Variants in KCNH8 observed in about 807,000 individuals in gnomAD.
KCNH8 encodes the protein potassium voltage-gated channel subfamily H member 8.
Under a neutral mutation model 103.6 loss-of-function variants are expected in KCNH8, and 70 were observed. The ratio of observed to expected loss-of-function variants is 0.68; its 90% CI spans 0.56 to 0.82. KCNH8 has a LOEUF of 0.82. Among genes scored for constraint, KCNH8 ranks in the 40% least tolerant of loss-of-function variants. KCNH8 has a pLI of 0.00. For missense variants in KCNH8, 1,217 were observed against 1,329.9 expected (o/e 0.92, Z 1.32); for synonymous variants, 498 against 489.4 (o/e 1.02, Z -0.23).
chr3:19,454,815 G>A (rs1168166278), intron 10 of KCNH8, among the ~76,000 whole-genome samples: 1 of 152,050 alleles, frequency 6.6e-6, no homozygotes, highest in Non-Finnish European at 1.5e-5. Context: ...CATCAAAAGT[G>A]CAAATTGCTG....
intron 5 of KCNH8, among the ~76,000 whole-genome samples, chr3:19,374,809 A>G (rs1344155050): frequency 6.6e-6 from 1 of 152,002 alleles, no homozygotes; most frequent in Admixed American, 6.5e-5. Flanking sequence ...GGTGGTGACA[A>G]AATCTCTGAG....
chr3:19,227,091 A>G (rs2063940938), intron 1 of KCNH8, among the ~76,000 whole-genome samples: 1 of 152,190 alleles, frequency 6.6e-6, no homozygotes, highest in Non-Finnish European at 1.5e-5. Context: ...TCAGGCATAA[A>G]TATGGGAAAT....
chr3:19,381,445 C>T (rs2066286874), intron 5 of KCNH8, among the ~76,000 whole-genome samples: 1 of 152,102 alleles, frequency 6.6e-6, no homozygotes, highest in Non-Finnish European at 1.5e-5. Context: ...TAGAAGACAT[C>T]ACAGTGGAGT....
In KCNH8 at chr3:19,535,253, A is replaced by G. The variant is rs1273306834; in HGVS notation, c.*1154A>G. ...CAAATGGAGCCAAGACTTCTGAGCT[A>G]TAACTTGTGGGAGTAATACCAGCTT... On this transcript the variant is annotated 3_prime_UTR_variant, in exon 16 of 16. Transcript: ENST00000328405. 2 of 152,226 alleles carry G rather than the reference A, an allele frequency of 1.3e-5. No individual in the cohort carries two copies. Among genetic ancestry groups the G allele is most frequent in the East Asian group, 1.9e-4 (1 of 5,204 alleles). The allele number at this position is 152,226 out of a possible 1,614,324, so 9.4% of individuals were successfully genotyped here. A position where few individuals can be genotyped will look rare whatever the true frequency, so the allele number is the denominator to read the frequency against.
chr3:19,149,432 G>A (rs2063107028), intron 1 of KCNH8, among the ~76,000 whole-genome samples: 1 of 151,406 alleles, frequency 6.6e-6, no homozygotes, highest in Admixed American at 6.6e-5. Context: ...ACGATTTGAT[G>A]ATAAGAGAAA....
chr3:19,368,674 A>G (rs994696288), intron 5 of KCNH8, among the ~76,000 whole-genome samples: 3 of 152,032 alleles, frequency 2.0e-5, no homozygotes, highest in Non-Finnish European at 2.9e-5. Context: ...AACGTGCTAG[A>G]TACCTAGTAT....
At chr3:19,418,614 T>TG (rs1368035807) in intron 7 of KCNH8, among the ~76,000 whole-genome samples, 1 of 152,036 alleles carries the variant, frequency 6.6e-6, no homozygotes, top group Non-Finnish European at 1.5e-5. Context: ...ACAAAGTAAG[T>TG]GAAAAAAATG....
At chr3:19,252,680 A>C (rs2064294851) in intron 1 of KCNH8, among the ~76,000 whole-genome samples, 1 of 151,850 alleles carries the variant, frequency 6.6e-6, no homozygotes, top group Non-Finnish European at 1.5e-5. Flanking sequence ...GAGCCACCAC[A>C]CCCAGCCTGA....
rs755150313 is a variant in KCNH8, at chr3:19,451,318, G to A, written c.1739G>A (p.Arg580His). ...TGTGCTCCGGGGGAGTATCTGCTGC[G>A]TCAAGGGGATGCTTTGCAGGCCATC... is the stretch of plus-strand genomic sequence containing the variant. ...SFCAPGEYLL[R>H]QGDALQAIYF... The change falls in exon 10 of 16, where the codon CGT becomes CAT. Residue 580 changes from arginine (R) to histidine (H), a missense_variant. Arg to His is a conservative substitution (Grantham distance 29). Coordinates refer to ENST00000328405, the MANE Select transcript of KCNH8 (RefSeq NM_144633.3). The A allele has an allele frequency of 2.0e-5, 32 of 1,613,856 alleles. No homozygotes were observed. Among genetic ancestry groups the A allele is most frequent in the East Asian group, 1.1e-4 (5 of 44,878 alleles).
At chr3:19,221,022 G>C (rs1472046973) in intron 1 of KCNH8, among the ~76,000 whole-genome samples, 1 of 152,146 alleles carries the variant, frequency 6.6e-6, no homozygotes, top group Non-Finnish European at 1.5e-5. Context: ...AACCACAATA[G>C]GTTTGTTGTA....
chr3:19,343,735 A>G (rs1288699865), intron 4 of KCNH8, among the ~76,000 whole-genome samples: 1 of 152,080 alleles, frequency 6.6e-6, no homozygotes, highest in Admixed American at 6.6e-5. Flanking sequence ...CTAATCCAAC[A>G]TACACATGCT....
chr3:19,303,580 C>A (rs981117876), intron 3 of KCNH8, among the ~76,000 whole-genome samples: 1 of 151,948 alleles, frequency 6.6e-6, no homozygotes. Context: ...ATAGATTTAC[C>A]CCCCTGATAT....
In KCNH8 at chr3:19,448,901, C is replaced by T. The variant is rs1389754559; in HGVS notation, c.1376-1205C>T. ...GAGTTGAATTATCCATAAATATGAACGTGCTTGACCCTCATCTTTCTCTCA... is the reference window on the plus strand; with the variant it reads ...GAGTTGAATTATCCATAAATATGAATGTGCTTGACCCTCATCTTTCTCTCA... On this transcript the variant is annotated intron_variant, in intron 8 of 15. Transcript: ENST00000328405. 15 of 966,188 alleles carry T rather than the reference C, an allele frequency of 1.6e-5. No homozygotes were observed. In the Middle Eastern group the frequency reaches 1.0e-3, roughly 64 times the overall value. The allele number at this position is 966,188 out of a possible 1,614,324, so 59.9% of individuals were successfully genotyped here. A position where few individuals can be genotyped will look rare whatever the true frequency, so the allele number is the denominator to read the frequency against.
At chr3:19,469,724 G>T (rs1313593732) in intron 11 of KCNH8, among the ~76,000 whole-genome samples, 1 of 152,100 alleles carries the variant, frequency 6.6e-6, no homozygotes, top group African/African-American at 2.4e-5. Context: ...GCCTAGTTTT[G>T]TGTTTATGTT....
chr3:19,277,225 A>G (rs753102061), intron 2 of KCNH8, among the ~76,000 whole-genome samples: 3 of 152,120 alleles, frequency 2.0e-5, no homozygotes, highest in Non-Finnish European at 4.4e-5. Flanking sequence ...GAAGGGAAAA[A>G]TATCTATAAA....
intron 7 of KCNH8, among the ~76,000 whole-genome samples, chr3:19,422,428 A>ACC (rs2066964483): frequency 6.6e-6 from 1 of 152,142 alleles, no homozygotes; most frequent in Non-Finnish European, 1.5e-5. Context: ...GGAACAATAC[A>ACC]CCAGGCACTG....
At chr3:19,156,975 T>TC (rs1472568580) in intron 1 of KCNH8, among the ~76,000 whole-genome samples, 1 of 150,852 alleles carries the variant, frequency 6.6e-6, no homozygotes, top group African/African-American at 2.5e-5. Context: ...GCTTTTTTTT[T>TC]TTTTTTTAAA....
chr3:19,345,077 A>G (rs562865901), intron 4 of KCNH8, among the ~76,000 whole-genome samples: 11 of 152,234 alleles, frequency 7.2e-5, no homozygotes, highest in African/African-American at 2.6e-4. Context: ...AGGATGCAAC[A>G]TATTTTAGTC....
chr3:19,478,379 T>TA (rs2068019779), intron 11 of KCNH8, among the ~76,000 whole-genome samples: 1 of 152,140 alleles, frequency 6.6e-6, no homozygotes, highest in African/African-American at 2.4e-5. Context: ...ATAAAGCTTG[T>TA]ACTAGTTTAC....
Sources: allele counts gnomAD v4.1 joint callset (sites outside exome capture counted in the v4.1 genomes callset), GRCh38; gene constraint gnomAD v4.1.1; transcripts MANE v1.5; gene names NCBI Gene and HGNC (gene_info 2026-07-23, HGNC 2026-07-21).